The following RMC1 variants were observed in gnomAD, a reference collection of about 807,000 sequenced individuals.
RMC1 encodes the protein regulator of MON1-CCZ1.
RMC1 carries 44 observed loss-of-function variants against 95.5 expected under a neutral mutation model. The ratio of observed to expected loss-of-function variants is 0.46; its 90% CI spans 0.36 to 0.59. RMC1 has a LOEUF of 0.59. RMC1 is among the 20% of genes least tolerant of loss of function. The pLI, the probability that RMC1 is intolerant of heterozygous loss-of-function variation, is 0.00. For synonymous variants in RMC1, 320 were observed against 303.6 expected, an observed-to-expected ratio of 1.05 and a Z score of -0.56; for missense variants, 705 against 819.6, an observed-to-expected ratio of 0.86 and a Z score of 1.71.
chr18:23,509,019 TG>T (rs2057781718), intron 4 of RMC1, among the ~76,000 whole-genome samples, 173 bp from the exon 5 acceptor site: 1 of 152,130 alleles, frequency 6.6e-6, no homozygotes, highest in Non-Finnish European at 1.5e-5. Flanking sequence ...TGAAGAGTTA[TG>T]GGCAAAAATC....
At chr18:23,512,084 G>A (rs938194814) in intron 5 of RMC1, among the ~76,000 whole-genome samples, 1 of 146,344 alleles carries the variant, frequency 6.8e-6, no homozygotes, top group African/African-American at 2.5e-5. Context: ...GCAATGGTGC[G>A]ATCTCGGCTC....
chr18:23,520,793 C>T (rs985575810), intron 10 of RMC1, among the ~76,000 whole-genome samples: 1 of 151,776 alleles, frequency 6.6e-6, no homozygotes, highest in Admixed American at 6.6e-5. Flanking sequence ...CGCTTAAATA[C>T]TTGTGAGAGG....
At chr18:23,522,353 A>G (rs2058164626) in intron 10 of RMC1, 1 of 152,226 alleles carries the variant, frequency 6.6e-6, no homozygotes, top group African/African-American at 2.4e-5. Flanking sequence ...AATTGGGGGA[A>G]AAAAACTAAA....
Position 23,516,004 on chromosome 18 carries a change from GA to G in RMC1, c.549+10del, listed in dbSNP as rs1567920193. ...CAGCCTTTTCACTTTAGGGTAAGAG[GA>G]AGCCTCCCCTGAAAAAAACACCTTT... is the stretch of plus-strand genomic sequence containing the variant. On this transcript the variant is annotated intron_variant, in intron 6 of 19. Coordinates refer to ENST00000269221, the MANE Select transcript of RMC1 (RefSeq NM_013326.5). 1 of 1,613,970 alleles carries G rather than the reference GA, an allele frequency of 6.2e-7. No homozygotes were observed. Among genetic ancestry groups the G allele is most frequent in the Admixed American group, 1.7e-5 (1 of 59,968 alleles).
At position 23,519,243 on chromosome 18, in the gene RMC1, C is replaced by T. The variant is rs557283866; in HGVS notation, c.849+69C>T. ...AGCCTTGTGAAAATTGGTGGCTGGG[C>T]ACGGTGGATCACGCCTGTAATCCCA... On this transcript the variant is annotated intron_variant, in intron 9 of 19. Coordinates refer to ENST00000269221, the MANE Select transcript of RMC1 (RefSeq NM_013326.5). The T allele has an allele frequency of 1.6e-5, 21 of 1,337,176 alleles. No individual in the cohort carries two copies. The African/African-American group carries it at 3.0e-4, about 19-fold the overall frequency. The allele number at this position is 1,337,176 out of a possible 1,614,324, so 82.8% of individuals were successfully genotyped here.
At chr18:23,520,810 G>C (rs192203182) in intron 10 of RMC1, among the ~76,000 whole-genome samples, 4 of 152,230 alleles carry the variant, frequency 2.6e-5, no homozygotes, top group Admixed American at 2.0e-4. Context: ...GAGGAGATAA[G>C]GTTCAAGTGA....
At chr18:23,514,031 T>C (rs2057933590) in intron 5 of RMC1, among the ~76,000 whole-genome samples, 1 of 152,254 alleles carries the variant, frequency 6.6e-6, no homozygotes, top group African/African-American at 2.4e-5. Flanking sequence ...TTTCATCTGT[T>C]CCAGCTTCCT....
At position 23,530,618 on chromosome 18, in the gene RMC1, A is replaced by G. The variant is rs2058463994; in HGVS notation, c.1894+6A>G. 1.2e-6 allele frequency: 2 copies of G among 1,611,228 alleles called. No homozygotes were observed. The highest frequency in any genetic ancestry group is 1.7e-6 in the Non-Finnish European group (2 of 1,178,024). On this transcript the variant is annotated splice_donor_region_variant and intron_variant, in intron 19 of 19. Transcript: ENST00000269221. ...GAGCCCCAATTTCACACCAGGTGAG[A>G]ATGCAATGAAAAGACTTGGGGTAAC...
chr18:23,524,317 C>G (rs1431793888), intron 11 of RMC1, 112 bp from the exon 12 acceptor site: 11 of 1,491,202 alleles, frequency 7.4e-6, no homozygotes, highest in Non-Finnish European at 9.3e-6. Context: ...GTCCAGGGGC[C>G]TCGCGTTTAG....
intron 1 of RMC1, 41 bp downstream of exon 1, chr18:23,503,761 G>A (rs772433196): frequency 2.2e-5 from 35 of 1,558,684 alleles, no homozygotes; most frequent in Non-Finnish European, 2.6e-5. Flanking sequence ...CGGCCCTGCC[G>A]GGGTCGTGGG....
At chr18:23,530,342 T>C in intron 18 of RMC1, 45 bp downstream of exon 18, 2 of 1,614,014 alleles carry the variant, frequency 1.2e-6, no homozygotes, top group Non-Finnish European at 1.7e-6. Flanking sequence ...ACTAACTCTG[T>C]TCCTGTTGTT....
At chr18:23,509,350 G>C in intron 5 of RMC1, 71 bp downstream of exon 5, 1 of 553,724 alleles carries the variant, frequency 1.8e-6, no homozygotes, top group East Asian at 3.9e-5. Flanking sequence ...TTTGAATTCA[G>C]TACTGAATAT....
chr18:23,504,637 T>A (rs960972804), intron 2 of RMC1, 190 bp downstream of exon 2: 1 of 503,702 alleles, frequency 2.0e-6, no homozygotes, highest in African/African-American at 1.9e-5. Flanking sequence ...CAGAGTGGAA[T>A]ATCTGGAGCA....
chr18:23,510,718 A>G (rs2057832104), intron 5 of RMC1, among the ~76,000 whole-genome samples: 1 of 152,268 alleles, frequency 6.6e-6, no homozygotes, highest in African/African-American at 2.4e-5. Flanking sequence ...ACCAACAAAC[A>G]TAAAAGAGCT....
chr18:23,503,742 TC>T, intron 1 of RMC1, 22 bp downstream of exon 1: 2 of 1,576,502 alleles, frequency 1.3e-6, no homozygotes, highest in East Asian at 2.5e-5. Context: ...CCGCGCTTCC[TC>T]CCCCGCGCGG....
Position 23,507,049 on chromosome 18 carries a change from A to G in RMC1, c.259A>G (p.Thr87Ala), listed in dbSNP as rs780165634. 2 of 1,599,586 alleles carry G rather than the reference A, an allele frequency of 1.3e-6. No homozygotes were observed. Among genetic ancestry groups the G allele is most frequent in the South Asian group, 1.1e-5 (1 of 89,564 alleles). ...ATTGGCTGTTCAGAGGACCTCAAAG[A>G]CTGTGGTAAGACTTATCTTTAAAAT... Reference protein sequence around the residue: ...KILAVQRTSKTVDFCNFIPDN... With the variant: ...KILAVQRTSKAVDFCNFIPDN... The change falls in exon 3 of 20, where the codon ACT (threonine) becomes GCT (alanine). Residue 87 changes from threonine (T) to alanine (A), a missense_variant. Coordinates refer to ENST00000269221, the MANE Select transcript of RMC1 (RefSeq NM_013326.5).
At chr18:23,510,020 A>T (rs1323186307) in intron 5 of RMC1, among the ~76,000 whole-genome samples, 5 of 131,468 alleles carry the variant, frequency 3.8e-5, no homozygotes, top group Non-Finnish European at 1.6e-5. Context: ...GTAATAAATT[A>T]AAAAAAAAAA....
intron 10 of RMC1, among the ~76,000 whole-genome samples, chr18:23,521,899 GA>G (rs1342344378): frequency 2.0e-5 from 3 of 152,150 alleles, no homozygotes; most frequent in African/African-American, 7.2e-5. Flanking sequence ...GCTCTCTTTT[GA>G]AGGAGATTGG....
chr18:23,513,759 T>C (rs756949779), intron 5 of RMC1, among the ~76,000 whole-genome samples: 17 of 152,254 alleles, frequency 1.1e-4, no homozygotes, highest in Non-Finnish European at 2.5e-4. Context: ...GGTTTTGATT[T>C]GCGCTCTTTG....
Sources: gnomAD v4.1 joint callset for allele counts (sites outside exome capture counted in the v4.1 genomes callset) on GRCh38, gnomAD v4.1.1 for gene constraint, MANE v1.5 for transcripts, NCBI Gene and HGNC (gene_info 2026-07-23, HGNC 2026-07-21) for gene names.